PRICKLE2: variants seen among roughly 807,000 people sequenced by gnomAD.
PRICKLE2 encodes the protein prickle planar cell polarity protein 2, also known as prickle-like protein 2.
Under a neutral mutation model 81.4 loss-of-function variants are expected in PRICKLE2, and 21 were observed. The observed-to-expected ratio is 0.26, with a 90% confidence interval of 0.18 to 0.37. The LOEUF (loss-of-function observed/expected upper bound fraction) is 0.37. Ranked by LOEUF, PRICKLE2 falls within the 10% of genes least tolerant of loss-of-function variation. PRICKLE2 has a pLI of 1.00. For missense variants in PRICKLE2, 940 were observed against 1,109.0 expected (o/e 0.85, Z 2.16); for synonymous variants, 456 against 421.5 (o/e 1.08, Z -1.00).
chr3:64,239,681 C>A (rs2079233056), intron 2 of PRICKLE2, among the ~76,000 whole-genome samples: 1 of 152,120 alleles, frequency 6.6e-6, no homozygotes, highest in Admixed American at 6.5e-5. Flanking sequence ...CTCATAGCAA[C>A]CCTTCAAGGT....
At chr3:64,257,611 C>A (rs551462343) in intron 2 of PRICKLE2, among the ~76,000 whole-genome samples, 1 of 152,252 alleles carries the variant, frequency 6.6e-6, no homozygotes, top group South Asian at 2.1e-4. Context: ...CCAGTCCCAG[C>A]CCACTGGAAG....
chr3:64,198,531 G>A (rs1239100619), intron 2 of PRICKLE2, among the ~76,000 whole-genome samples: 1 of 152,162 alleles, frequency 6.6e-6, no homozygotes, highest in Non-Finnish European at 1.5e-5. Flanking sequence ...GTACACCTCT[G>A]AGATGTTTCT....
intron 2 of PRICKLE2, among the ~76,000 whole-genome samples, chr3:64,188,445 T>C (rs1201915337): frequency 6.6e-6 from 1 of 152,228 alleles, no homozygotes; most frequent in Admixed American, 6.5e-5. Flanking sequence ...AACAGATTGT[T>C]GGGCTCCATC....
chr3:64,141,703 C>T, intron 7 of PRICKLE2: 2 of 642,170 alleles, frequency 3.1e-6, no homozygotes, highest in Non-Finnish European at 3.9e-6. Context: ...TGGGAGAGGC[C>T]AAAGCCCAGA....
chr3:64,199,941 T>A (rs555315735), intron 1 of PRICKLE2: 1 of 152,322 alleles, frequency 6.6e-6, no homozygotes, highest in East Asian at 1.9e-4. Flanking sequence ...AGAATTTTAA[T>A]CCCCAGATGT....
At chr3:64,119,118 A>C (rs764003410) in intron 7 of PRICKLE2, among the ~76,000 whole-genome samples, 1 of 152,134 alleles carries the variant, frequency 6.6e-6, no homozygotes, top group Non-Finnish European at 1.5e-5. Context: ...ACTAAGACAG[A>C]AACAGGAAAT....
intron 2 of PRICKLE2, among the ~76,000 whole-genome samples, chr3:64,188,140 A>G (rs2078269040): frequency 1.3e-5 from 2 of 152,284 alleles, no homozygotes; most frequent in African/African-American, 2.4e-5. Flanking sequence ...TCAAATAATG[A>G]TTCTGATGAG....
intron 1 of PRICKLE2, among the ~76,000 whole-genome samples, chr3:64,222,552 G>A (rs1364921882): frequency 2.6e-5 from 4 of 152,260 alleles, no homozygotes; most frequent in Admixed American, 2.0e-4. Context: ...GCAAAATTGT[G>A]CCATAGCAGT....
At chr3:64,196,470 G>A (rs1382879077) in intron 2 of PRICKLE2, among the ~76,000 whole-genome samples, 1 of 152,150 alleles carries the variant, frequency 6.6e-6, no homozygotes, top group East Asian at 1.9e-4. Flanking sequence ...ACAAAGTTAT[G>A]CGGTCAGCCA....
chr3:64,126,984 T>C (rs959645538), intron 7 of PRICKLE2, among the ~76,000 whole-genome samples: 8 of 152,166 alleles, frequency 5.3e-5, no homozygotes, highest in African/African-American at 1.9e-4. Flanking sequence ...GTCAGGTTTA[T>C]CAAATGCCTA....
At chr3:64,121,146 C>T (rs1187372130) in intron 7 of PRICKLE2, among the ~76,000 whole-genome samples, 1 of 152,118 alleles carries the variant, frequency 6.6e-6, no homozygotes, top group Non-Finnish European at 1.5e-5. Context: ...CTGGAGAGTC[C>T]TCCAGGGCCC....
intron 2 of PRICKLE2, among the ~76,000 whole-genome samples, chr3:64,260,001 G>A (rs1461810504): frequency 6.6e-6 from 1 of 152,164 alleles, no homozygotes; most frequent in Non-Finnish European, 1.5e-5. Flanking sequence ...TAAAGAGAGT[G>A]TTCTACAAAA....
intron 2 of PRICKLE2, among the ~76,000 whole-genome samples, chr3:64,260,967 T>A (rs539584607): frequency 4.6e-5 from 7 of 152,202 alleles, no homozygotes; most frequent in Non-Finnish European, 8.8e-5. Flanking sequence ...CTGATCAGAC[T>A]TCCTAGGCAG....
chr3:64,119,463 A>G (rs1016200354), intron 7 of PRICKLE2, among the ~76,000 whole-genome samples: 2 of 152,222 alleles, frequency 1.3e-5, no homozygotes, highest in African/African-American at 4.8e-5. Flanking sequence ...AAAATTCTCA[A>G]CGTCACTAAT....
intron 1 of PRICKLE2, among the ~76,000 whole-genome samples, chr3:64,207,449 C>T (rs2078706565): frequency 6.6e-6 from 1 of 152,072 alleles, no homozygotes; most frequent in African/African-American, 2.4e-5. Context: ...AACTGGAGAC[C>T]AGACTTCATT....
chr3:64,136,263 G>A (rs753757633), intron 7 of PRICKLE2, among the ~76,000 whole-genome samples: 8 of 151,762 alleles, frequency 5.3e-5, no homozygotes, highest in Non-Finnish European at 2.9e-5. Flanking sequence ...AACTACAGGC[G>A]AGCTCATGAG....
At chr3:64,188,658 A>G (rs1276013682) in intron 2 of PRICKLE2, among the ~76,000 whole-genome samples, 4 of 152,214 alleles carry the variant, frequency 2.6e-5, no homozygotes, top group Non-Finnish European at 5.9e-5. Context: ...TCTCTTAGCC[A>G]TCCAATATAA....
intron 7 of PRICKLE2, among the ~76,000 whole-genome samples, chr3:64,134,297 G>A (rs1295310447): frequency 6.6e-6 from 1 of 152,210 alleles, no homozygotes; most frequent in Non-Finnish European, 1.5e-5. Flanking sequence ...AGTAAAAAAA[G>A]CTCTCTCAGC....
chr3:64,163,030 G>A lies in PRICKLE2; in HGVS notation c.244C>T (p.Pro82Ser). The change falls in exon 3 of 8, where the codon CCA becomes TCA. Residue 82 changes from proline to serine, a missense_variant. Around this residue, in one of 2 missense-constraint regions of PRICKLE2, gnomAD observed 270 missense variants for 391.8 expected, o/e 0.69. Transcript: ENST00000638394. ...RIKQLLHQLP[P>S]HDNEVRYCNS... is the part of the protein sequence containing the mutation. ...TAGCCCCTTACCTCATTGTCATGTGGCGGCAGCTGGTGTAGTAGCTGCTTG... is the reference window on the plus strand; with the variant it reads ...TAGCCCCTTACCTCATTGTCATGTGACGGCAGCTGGTGTAGTAGCTGCTTG... 6.2e-7 allele frequency: 1 copy of A among 1,611,652 alleles called. No homozygotes were observed. Among genetic ancestry groups the A allele is most frequent in the Non-Finnish European group, 8.5e-7 (1 of 1,177,730 alleles).
Sources: allele counts gnomAD v4.1 joint callset (sites outside exome capture counted in the v4.1 genomes callset), GRCh38; gene constraint gnomAD v4.1.1; regional missense constraint gnomAD v4.1.1; transcripts MANE v1.5; gene names NCBI Gene and HGNC (gene_info 2026-07-23, HGNC 2026-07-21).